DCLK3: variants seen among roughly 807,000 people sequenced by gnomAD.
DCLK3 encodes serine/threonine-protein kinase DCLK3.
In DCLK3, 30 loss-of-function variants were observed where a neutral mutation model predicts 46.4. The observed-to-expected ratio is 0.65, with a 90% confidence interval of 0.48 to 0.88. The LOEUF (loss-of-function observed/expected upper bound fraction) is 0.88, where lower values mean the gene tolerates loss of function less well. Among genes scored for constraint, DCLK3 ranks in the 40% least tolerant of loss-of-function variants. DCLK3 has a pLI of 0.00. For synonymous variants in DCLK3, 401 were observed against 339.2 expected (o/e 1.18, Z -2.00); for missense variants, 846 against 907.1 (o/e 0.93, Z 0.87).
chr3:36,747,467 A>G (rs1701403455), intron 1 of DCLK3, among the ~76,000 whole-genome samples: 1 of 151,730 alleles, frequency 6.6e-6, no homozygotes, highest in South Asian at 2.1e-4. Context: ...ATATATATAT[A>G]TTTCTCATAT....
intron 2 of DCLK3, among the ~76,000 whole-genome samples, chr3:36,724,831 G>A (rs534297405): frequency 6.6e-6 from 1 of 152,144 alleles, no homozygotes; most frequent in East Asian, 1.9e-4. Flanking sequence ...TAAAAATTAT[G>A]AAAAATGAGG....
intron 4 of DCLK3, among the ~76,000 whole-genome samples, chr3:36,716,692 C>G (rs1242000701): frequency 6.6e-6 from 1 of 152,174 alleles, no homozygotes; most frequent in African/African-American, 2.4e-5. Context: ...TGGGCTTGGG[C>G]CATTTGGACA....
rs1429496221 is a variant in DCLK3 at position 36,764,380 on chromosome 3, G to C, written c.-117C>G. On this transcript the variant is annotated 5_prime_UTR_variant, in exon 1 of 5. Transcript: ENST00000636136. The surrounding 1 kb of genome is among the most constrained non-coding windows in gnomAD (Gnocchi z 4.9). ...AGACGAGCAGCCACGAGCCCGCGCCGACTCTCCCTCTTCTCTCCCTCCCGC... is the reference window on the plus strand; with the variant it reads ...AGACGAGCAGCCACGAGCCCGCGCCCACTCTCCCTCTTCTCTCCCTCCCGC... 1.7e-5 allele frequency: 3 copies of C among 177,418 alleles called. No individual in the cohort carries two copies. The highest frequency in any genetic ancestry group is 3.5e-5 in the Non-Finnish European group (3 of 85,328). 11.0% of individuals were successfully genotyped at this position (177,418 alleles called of 1,614,324 possible). A position where few individuals can be genotyped will look rare whatever the true frequency, so the allele number is the denominator to read the frequency against.
chr3:36,738,232 T>C lies in DCLK3; in HGVS notation c.935A>G (p.Lys312Arg). Residue 312 changes from lysine to arginine, a missense_variant, in exon 2 of 5, where the codon AAG becomes AGG. Coordinates refer to ENST00000636136, the MANE Select transcript of DCLK3 (RefSeq NM_001394672.2). ...SGEIIRCEKC[K>R]RERELQQSLE... Reference sequence around the variant, plus strand: ...GCTCTGCTGGAGCTCCCTCTCTCTCTTGCACTTCTCGCATCTGATAATTTC... The same window carrying C: ...GCTCTGCTGGAGCTCCCTCTCTCTCCTGCACTTCTCGCATCTGATAATTTC... The C allele has an allele frequency of 6.3e-7, 1 of 1,595,174 alleles. No individual in the cohort carries two copies. Among genetic ancestry groups the C allele is most frequent in the South Asian group, 1.1e-5 (1 of 87,268 alleles).
intron 1 of DCLK3, among the ~76,000 whole-genome samples, chr3:36,750,785 C>T (rs1264679423): frequency 6.6e-6 from 1 of 152,266 alleles, no homozygotes; most frequent in Non-Finnish European, 1.5e-5. Flanking sequence ...AACAGACCTT[C>T]CGCAGATCGT....
chr3:36,715,213 CCT>C lies in DCLK3; in HGVS notation c.*113_*114del. 1 of 1,163,144 alleles carries C rather than the reference CCT, an allele frequency of 8.6e-7. No individual in the cohort carries two copies. Among genetic ancestry groups the C allele is most frequent in the East Asian group, 2.7e-5 (1 of 36,684 alleles). 72.1% of individuals were successfully genotyped at this position (1,163,144 alleles called of 1,614,324 possible). On this transcript the variant is annotated 3_prime_UTR_variant, in exon 5 of 5. Coordinates refer to ENST00000636136, the MANE Select transcript of DCLK3 (RefSeq NM_001394672.2). ...CTTTAAAATATACTCAGTGTCTCTC[CCT>C]CTGATTCACCAATTATGTGAAGAAG...
chr3:36,739,580 T>G (rs1701322166), intron 1 of DCLK3, among the ~76,000 whole-genome samples: 1 of 152,218 alleles, frequency 6.6e-6, no homozygotes. Context: ...GCCATCCATG[T>G]AAGATGGGAC....
At position 36,737,381 on chromosome 3, in the gene DCLK3, T is replaced by C. The variant is rs1230910155; in HGVS notation, c.1786A>G (p.Ile596Val). 6.2e-7 allele frequency: 1 copy of C among 1,614,218 alleles called. No homozygotes were observed. The highest frequency in any genetic ancestry group is 1.7e-5 in the Admixed American group (1 of 60,032). ...TGCACGTACTCCAGGATCAGGTAGA[T>C]TTCCATGTCTGTTTCGTAGACTTCA... Reference protein sequence around the residue: ...LHEVYETDMEIYLILEYVQGG... With the variant: ...LHEVYETDMEVYLILEYVQGG... Residue 596 changes from isoleucine (I) to valine (V), a missense_variant, in exon 2 of 5, where the codon ATC (isoleucine) becomes GTC (valine). By Grantham distance (29) the Ile-to-Val change is conservative. Around this residue, in one of 3 missense-constraint regions of DCLK3, gnomAD observed 247 missense variants for 322.8 expected, o/e 0.77. Coordinates refer to ENST00000636136, the MANE Select transcript of DCLK3 (RefSeq NM_001394672.2). The surrounding 1 kb of genome is among the most constrained non-coding windows in gnomAD (Gnocchi z 4.4).
At chr3:36,751,132 G>A (rs970473121) in intron 1 of DCLK3, among the ~76,000 whole-genome samples, 18 of 148,416 alleles carry the variant, frequency 1.2e-4, no homozygotes, top group African/African-American at 4.5e-4. Context: ...AGTGATGTTT[G>A]GGTAAAGCAC....
At chr3:36,751,745 C>G (rs1701443196) in intron 1 of DCLK3, among the ~76,000 whole-genome samples, 1 of 152,202 alleles carries the variant, frequency 6.6e-6, no homozygotes. Flanking sequence ...ATGGAGTCTA[C>G]TAAATAAATG....
chr3:36,736,248 G>T (rs1043244944), intron 2 of DCLK3, among the ~76,000 whole-genome samples: 2 of 152,186 alleles, frequency 1.3e-5, no homozygotes, highest in Non-Finnish European at 2.9e-5. Context: ...GCTGGATAGT[G>T]TCAGCACGTG....
chr3:36,745,384 A>G (rs1701384764), intron 1 of DCLK3, among the ~76,000 whole-genome samples: 1 of 152,232 alleles, frequency 6.6e-6, no homozygotes. Context: ...GATAATCAAA[A>G]TTGCTATAGG....
intron 1 of DCLK3, among the ~76,000 whole-genome samples, chr3:36,761,131 G>A (rs1290358964): frequency 6.6e-6 from 1 of 152,212 alleles, no homozygotes; most frequent in Non-Finnish European, 1.5e-5. Flanking sequence ...CACTGATCTG[G>A]TGATTATCTC....
At chr3:36,735,457 G>A (rs924130056) in intron 2 of DCLK3, among the ~76,000 whole-genome samples, 4 of 152,186 alleles carry the variant, frequency 2.6e-5, no homozygotes, top group Non-Finnish European at 4.4e-5. Flanking sequence ...AAGGTTGCTC[G>A]ACTTAGTGGT....
chr3:36,729,195 A>T (rs1294105828), intron 2 of DCLK3, among the ~76,000 whole-genome samples: 1 of 145,706 alleles, frequency 6.9e-6, no homozygotes, highest in East Asian at 2.2e-4. Flanking sequence ...GACCCACTTC[A>T]GTGTCCCTGC....
chr3:36,744,912 A>C (rs1701380507), intron 1 of DCLK3, among the ~76,000 whole-genome samples: 1 of 152,242 alleles, frequency 6.6e-6, no homozygotes, highest in Non-Finnish European at 1.5e-5. Flanking sequence ...TTCTGGGGTG[A>C]GCCAATAAAC....
intron 2 of DCLK3, among the ~76,000 whole-genome samples, chr3:36,733,983 C>T (rs1299992807): frequency 6.6e-6 from 1 of 152,114 alleles, no homozygotes; most frequent in Non-Finnish European, 1.5e-5. Context: ...CGAAGCTTAA[C>T]AAAGACAGGT....
chr3:36,727,610 A>G (rs1321443008), intron 2 of DCLK3, among the ~76,000 whole-genome samples: 1 of 152,162 alleles, frequency 6.6e-6, no homozygotes, highest in Non-Finnish European at 1.5e-5. Context: ...TTCTCTTTCA[A>G]TCTCAGGATC....
intron 2 of DCLK3, among the ~76,000 whole-genome samples, chr3:36,725,790 T>C (rs146138521): frequency 6.6e-6 from 1 of 152,330 alleles, no homozygotes; most frequent in East Asian, 1.9e-4. Flanking sequence ...TGGTCAATTT[T>C]TAAAATAGAG....
Sources: allele counts gnomAD v4.1 joint callset (sites outside exome capture counted in the v4.1 genomes callset), GRCh38; gene constraint gnomAD v4.1.1; regional missense constraint gnomAD v4.1.1; non-coding constraint Gnocchi (gnomAD v3.1); transcripts MANE v1.5; gene names NCBI Gene and HGNC (gene_info 2026-07-23, HGNC 2026-07-21).